The following MCUB variants were observed in gnomAD, a reference collection of about 807,000 sequenced individuals.
The protein encoded by MCUB is calcium uniporter regulatory subunit MCUb, mitochondrial.
In MCUB, 46 loss-of-function variants were observed where a neutral mutation model predicts 41.4. The observed-to-expected ratio is 1.11, with a 90% CI of 0.88 to 1.42. The LOEUF (loss-of-function observed/expected upper bound fraction) is 1.42, where lower values mean the gene tolerates loss of function less well. MCUB is among the 40% of genes most tolerant of loss of function. The pLI, the probability that MCUB is intolerant of heterozygous loss-of-function variation, is 0.00. For synonymous variants in MCUB, 148 were observed against 148.2 expected, an observed-to-expected ratio of 1.00 and a Z score of 0.01; for missense variants, 403 against 404.9, an observed-to-expected ratio of 1.00 and a Z score of 0.04.
At chr4:109,686,558 GA>G (rs1729842380) in intron 7 of MCUB, among the ~76,000 whole-genome samples, 2 of 152,334 alleles carry the variant, frequency 1.3e-5, no homozygotes, top group South Asian at 4.1e-4. Flanking sequence ...GAAGGCTAAG[GA>G]ATGTTCTTTC....
chr4:109,570,602 A>C (rs1361929160), intron 1 of MCUB, among the ~76,000 whole-genome samples: 1 of 152,246 alleles, frequency 6.6e-6, no homozygotes, highest in Non-Finnish European at 1.5e-5. Context: ...TATTTTCAGA[A>C]ATGGCCACAG....
At chr4:109,682,317 T>G (rs1216287218) in intron 4 of MCUB, among the ~76,000 whole-genome samples, 2 of 118,522 alleles carry the variant, frequency 1.7e-5, no homozygotes, top group East Asian at 2.2e-4. Context: ...AGTCATTTTT[T>G]TGGTGACTTT....
intron 1 of MCUB, among the ~76,000 whole-genome samples, chr4:109,612,615 A>G (rs748715814): frequency 6.6e-6 from 1 of 152,014 alleles, no homozygotes; most frequent in Non-Finnish European, 1.5e-5. Context: ...CATACTCATG[A>G]GCTCTTCTAA....
chr4:109,576,145 A>G (rs895239562), intron 1 of MCUB, among the ~76,000 whole-genome samples: 1 of 152,220 alleles, frequency 6.6e-6, no homozygotes, highest in Non-Finnish European at 1.5e-5. Flanking sequence ...TGACAGGCAG[A>G]TAGGAGGAGA....
At chr4:109,664,088 C>T (rs532066271) in intron 3 of MCUB, among the ~76,000 whole-genome samples, 5 of 152,300 alleles carry the variant, frequency 3.3e-5, no homozygotes, top group East Asian at 3.9e-4. Context: ...TGTTCCATTT[C>T]GTCCAAGGAA....
rs1378303920 is a variant in MCUB at position 109,642,090 on chromosome 4, T to C, written c.100-16921T>C. Among the ~76,000 whole-genome samples the C allele has an allele frequency of 3.9e-5, 6 of 152,310 alleles. No homozygotes were observed. The South Asian group carries it at 1.2e-3, about 32-fold the overall frequency. ...ATTTCACAAAATACTGTGACTGCAT[T>C]TTTGGAGTTGTTTTTGGATCCTGAA... On this transcript the variant is annotated intron_variant, in intron 1 of 7. Coordinates refer to ENST00000394650, the MANE Select transcript of MCUB (RefSeq NM_017918.5).
chr4:109,604,706 C>T (rs563285187), intron 1 of MCUB, among the ~76,000 whole-genome samples: 4 of 152,244 alleles, frequency 2.6e-5, no homozygotes, highest in African/African-American at 7.2e-5. Context: ...CCCAGTTTTT[C>T]GAGAGTTTTT....
At chr4:109,676,454 G>C (rs1729579631) in intron 4 of MCUB, among the ~76,000 whole-genome samples, 1 of 152,118 alleles carries the variant, frequency 6.6e-6, no homozygotes, top group African/African-American at 2.4e-5. Context: ...CTGGAAGCTG[G>C]AATAAACACC....
chr4:109,646,697 A>G (rs1728845919), intron 1 of MCUB, among the ~76,000 whole-genome samples: 1 of 152,074 alleles, frequency 6.6e-6, no homozygotes, highest in Non-Finnish European at 1.5e-5. Context: ...CGCTCCTCTC[A>G]CTTACCTTAC....
intron 1 of MCUB, among the ~76,000 whole-genome samples, chr4:109,564,273 AG>A (rs1186235414): frequency 1.3e-5 from 2 of 152,042 alleles, no homozygotes; most frequent in African/African-American, 4.8e-5. Flanking sequence ...CTGGGATTAC[AG>A]GCATGTGCCA....
At position 109,612,948 on chromosome 4, in the gene MCUB, T is replaced by C. The variant is rs879638172; in HGVS notation, c.100-46063T>C. On this transcript the variant is annotated intron_variant, in intron 1 of 7. Coordinates refer to ENST00000394650, the MANE Select transcript of MCUB (RefSeq NM_017918.5). ...GGTGAAATCCCGTCTCTACTAAAAA[T>C]ATAAAAAATTAGCTGGGTGTGGTGG... 1.2e-3 allele frequency among the ~76,000 whole-genome samples: 179 copies of C among 151,896 alleles called. 1 individual carries two copies. The highest frequency in any genetic ancestry group is 2.1e-3 in the Non-Finnish European group (142 of 67,942).
At chr4:109,603,796 C>T (rs763219028) in intron 1 of MCUB, among the ~76,000 whole-genome samples, 13 of 150,872 alleles carry the variant, frequency 8.6e-5, no homozygotes, top group Non-Finnish European at 1.6e-4. Flanking sequence ...GCAGCCTCCC[C>T]GTCTGGGAGG....
chr4:109,573,638 A>G (rs1726964889), intron 1 of MCUB, among the ~76,000 whole-genome samples: 1 of 152,152 alleles, frequency 6.6e-6, no homozygotes, highest in African/African-American at 2.4e-5. Context: ...AGAAGCTAGT[A>G]TGGCTCCTAA....
At chr4:109,687,207 A>C (rs961982203) in intron 7 of MCUB, among the ~76,000 whole-genome samples, 40 of 152,146 alleles carry the variant, frequency 2.6e-4, no homozygotes, top group African/African-American at 9.4e-4. Context: ...ATACCAAAAA[A>C]TATTAGGTGG....
At chr4:109,618,267 A>G (rs1160965851) in intron 1 of MCUB, among the ~76,000 whole-genome samples, 1 of 152,162 alleles carries the variant, frequency 6.6e-6, no homozygotes, top group African/African-American at 2.4e-5. Context: ...GCTGAGGACA[A>G]CCCTCAAATG....
At chr4:109,670,212 C>T (rs926121387) in intron 4 of MCUB, among the ~76,000 whole-genome samples, 2 of 152,200 alleles carry the variant, frequency 1.3e-5, no homozygotes, top group African/African-American at 2.4e-5. Context: ...GACTAGGTCT[C>T]AGTCTTTTAG....
At chr4:109,569,918 G>A (rs1377171316) in intron 1 of MCUB, among the ~76,000 whole-genome samples, 1 of 152,200 alleles carries the variant, frequency 6.6e-6, no homozygotes, top group African/African-American at 2.4e-5. Flanking sequence ...GTTGGAGGCT[G>A]TCAGGAAGCA....
rs541825941 is a variant in MCUB at position 109,599,604 on chromosome 4, T to G, written c.99+39168T>G. ...TGGTTTTGTAAGTTCCCTTGGGTAG[T>G]CTGGCCCTAGAGAAAACTAGGCTGT... On this transcript the variant is annotated intron_variant, in intron 1 of 7. Coordinates refer to ENST00000394650, the MANE Select transcript of MCUB (RefSeq NM_017918.5). Among the ~76,000 whole-genome samples, 3 of 152,264 alleles carry G rather than the reference T, an allele frequency of 2.0e-5. No individual in the cohort carries two copies. In the South Asian group the frequency reaches 6.2e-4, roughly 32 times the overall value.
chr4:109,648,653 A>G (rs1037907520), intron 1 of MCUB: 1 of 440,784 alleles, frequency 2.3e-6, no homozygotes, highest in Middle Eastern at 3.4e-4. Context: ...TCTAGAGGCA[A>G]GTAAGAGTTC....
Sources: gnomAD v4.1 joint callset for allele counts (sites outside exome capture counted in the v4.1 genomes callset) on GRCh38, gnomAD v4.1.1 for gene constraint, MANE v1.5 for transcripts, NCBI Gene and HGNC (gene_info 2026-07-23, HGNC 2026-07-21) for gene names.